EDIL3: variants seen among roughly 807,000 people sequenced by gnomAD.
EDIL3 encodes the protein EGF like and discoidin domains 3.
Under a neutral mutation model 67.4 loss-of-function variants are expected in EDIL3, and 37 were observed. The ratio of observed to expected loss-of-function variants is 0.55; its 90% CI spans 0.42 to 0.72. The LOEUF (loss-of-function observed/expected upper bound fraction) is 0.72. Ranked by LOEUF, EDIL3 falls within the 30% of genes least tolerant of loss-of-function variation. The probability of loss-of-function intolerance (pLI) is 0.00; values close to 1 mark genes in which losing one functional copy is unlikely to be tolerated. For synonymous variants in EDIL3, 195 were observed against 196.3 expected (o/e 0.99, Z 0.05); for missense variants, 527 against 586.3 (o/e 0.90, Z 1.04).
chr5:84,011,922 C>T (rs1172561576), intron 9 of EDIL3, among the ~76,000 whole-genome samples: 2 of 152,114 alleles, frequency 1.3e-5, no homozygotes, highest in South Asian at 2.1e-4. Context: ...GCACTTTTCA[C>T]TACTTGATAT....
intron 1 of EDIL3, among the ~76,000 whole-genome samples, chr5:84,365,036 T>A (rs1459161264): frequency 6.6e-6 from 1 of 152,110 alleles, no homozygotes; most frequent in Admixed American, 6.6e-5. Flanking sequence ...TGCTGTTCGC[T>A]TGTTTTGAGA....
intron 1 of EDIL3, among the ~76,000 whole-genome samples, chr5:84,370,044 A>G (rs1747812845): frequency 6.6e-6 from 1 of 152,220 alleles, no homozygotes; most frequent in African/African-American, 2.4e-5. Context: ...AAACAGGAGC[A>G]AAGTATTAGA....
At chr5:84,032,289 C>G (rs138458267) in intron 9 of EDIL3, among the ~76,000 whole-genome samples, 1 of 152,260 alleles carries the variant, frequency 6.6e-6, no homozygotes, top group East Asian at 1.9e-4. Flanking sequence ...ACAGCTAAAT[C>G]ATAAAACCAC....
chr5:84,198,377 G>C (rs775260064), intron 3 of EDIL3, among the ~76,000 whole-genome samples: 1 of 151,958 alleles, frequency 6.6e-6, no homozygotes, highest in African/African-American at 2.4e-5. Flanking sequence ...TGAGATCCAA[G>C]ACAGATGTAT....
chr5:83,963,234 A>G lies in EDIL3; in HGVS notation c.1264T>C (p.Tyr422His), dbSNP rs1370054078. 3 of 1,606,832 alleles carry G rather than the reference A, an allele frequency of 1.9e-6. No individual in the cohort carries two copies. Among genetic ancestry groups the G allele is most frequent in the Non-Finnish European group, 2.6e-6 (3 of 1,176,374 alleles). The change falls in exon 10 of 11, where the codon TAC becomes CAC. Residue 422 changes from tyrosine (Y) to histidine (H), a missense_variant. Physicochemically the swap from Tyr to His is moderately conservative, Grantham distance 83. Around this residue, in one of 2 missense-constraint regions of EDIL3, gnomAD observed 494 missense variants for 522.5 expected, o/e 0.95. Coordinates refer to ENST00000296591, the MANE Select transcript of EDIL3 (RefSeq NM_005711.5). ...YSNDGEHWTV[Y>H]QDEKQRKDKV... ...TCTTTTCTTTGCTTTTCATCCTGGTATACAGTCCAGTGTTCTCCATCATTG... is the reference window on the plus strand; with the variant it reads ...TCTTTTCTTTGCTTTTCATCCTGGTGTACAGTCCAGTGTTCTCCATCATTG...
chr5:84,121,049 A>G (rs1461517699), intron 5 of EDIL3, among the ~76,000 whole-genome samples: 2 of 151,918 alleles, frequency 1.3e-5, no homozygotes, highest in East Asian at 1.9e-4. Context: ...ATGATTTAGA[A>G]TTATATTGTG....
intron 1 of EDIL3, among the ~76,000 whole-genome samples, chr5:84,286,804 T>A (rs1344193708): frequency 6.6e-6 from 1 of 152,176 alleles, no homozygotes; most frequent in East Asian, 1.9e-4. Context: ...TGGAATCAAT[T>A]AGGCTGATCC....
At chr5:83,978,693 A>G (rs1744914392) in intron 9 of EDIL3, among the ~76,000 whole-genome samples, 1 of 152,076 alleles carries the variant, frequency 6.6e-6, no homozygotes, top group African/African-American at 2.4e-5. Context: ...AAACAGGGTC[A>G]TCTGAAAGCT....
intron 6 of EDIL3, among the ~76,000 whole-genome samples, chr5:84,098,100 GAA>G (rs34968983): frequency 6.2e-4 from 86 of 139,292 alleles, no homozygotes; most frequent in East Asian, 3.7e-3. Flanking sequence ...CTAGAAATCT[GAA>G]AAAAAAAAAA....
At chr5:84,016,511 C>T (rs1040457507) in intron 9 of EDIL3, among the ~76,000 whole-genome samples, 2 of 152,076 alleles carry the variant, frequency 1.3e-5, no homozygotes, top group African/African-American at 4.8e-5. Context: ...CTGATAATCC[C>T]AAATCCAAAA....
At chr5:84,306,122 A>G (rs974677563) in intron 1 of EDIL3, among the ~76,000 whole-genome samples, 7 of 152,114 alleles carry the variant, frequency 4.6e-5, no homozygotes, top group African/African-American at 1.7e-4. Context: ...ATACTCAGGA[A>G]ATTAACCTAG....
chr5:84,383,237 C>G (rs1292888228), intron 1 of EDIL3, among the ~76,000 whole-genome samples: 1 of 152,124 alleles, frequency 6.6e-6, no homozygotes, highest in Admixed American at 6.5e-5. Flanking sequence ...AGGAGTGGCA[C>G]AGCTCCCCCA....
rs56161304 is a variant in EDIL3 at position 84,006,343 on chromosome 5, T to TAAAACAAAACAAAAC, written c.1138-42998_1138-42984dup. Among the ~76,000 whole-genome samples, 1,087 of 147,834 alleles carry TAAAACAAAACAAAAC rather than the reference T, an allele frequency of 7.4e-3. 11 individuals are homozygous for TAAAACAAAACAAAAC. Among genetic ancestry groups the TAAAACAAAACAAAAC allele is most frequent in the Non-Finnish European group, 0.012 (823 of 66,570 alleles). On this transcript the variant is annotated intron_variant, in intron 9 of 10. Coordinates refer to ENST00000296591, the MANE Select transcript of EDIL3 (RefSeq NM_005711.5). The stretch of plus-strand genomic sequence containing the variant: ...ACAGAATTAGAACACTATGCAGCCA[T>TAAAACAAAACAAAAC]AAAACAAAACAAAACAAAACAAAAC...
chr5:84,137,184 T>TACACACACACACACAC (rs70975542), intron 5 of EDIL3, 57 bp downstream of exon 5: 4 of 901,772 alleles, frequency 4.4e-6, no homozygotes, highest in Non-Finnish European at 6.8e-6. Context: ...TGTGTATACA[T>TACACACACACACACAC]ACACACACAC....
At chr5:84,202,629 G>C (rs894591891) in intron 3 of EDIL3, among the ~76,000 whole-genome samples, 1 of 152,152 alleles carries the variant, frequency 6.6e-6, no homozygotes, top group Non-Finnish European at 1.5e-5. Context: ...AAATTGTAAT[G>C]CCATTTATTT....
At chr5:83,960,822 C>G (rs79255048) in intron 10 of EDIL3, among the ~76,000 whole-genome samples, 15,051 of 150,690 alleles carry the variant, frequency 0.1, 1,028 homozygotes, top group East Asian at 0.3. Flanking sequence ...ATAGATGTGA[C>G]AAATAGGCAC....
At chr5:84,253,393 G>GA (rs1049979507) in intron 2 of EDIL3, among the ~76,000 whole-genome samples, 2 of 152,146 alleles carry the variant, frequency 1.3e-5, no homozygotes, top group Non-Finnish European at 2.9e-5. Flanking sequence ...TAGTTAGAGA[G>GA]AAAATCTCTG....
At chr5:84,133,631 T>G (rs1292744044) in intron 5 of EDIL3, among the ~76,000 whole-genome samples, 2 of 151,622 alleles carry the variant, frequency 1.3e-5, no homozygotes, top group Admixed American at 6.6e-5. Flanking sequence ...CATCTCAAAA[T>G]AAAGAAATAA....
At chr5:84,307,160 C>T (rs1020699872) in intron 1 of EDIL3, among the ~76,000 whole-genome samples, 31 of 152,118 alleles carry the variant, frequency 2.0e-4, no homozygotes, top group African/African-American at 7.0e-4. Flanking sequence ...TAAGTCATTC[C>T]AAAGTGAGTG....
Sources: gnomAD v4.1 joint callset for allele counts (sites outside exome capture counted in the v4.1 genomes callset) on GRCh38, gnomAD v4.1.1 for gene constraint, gnomAD v4.1.1 regional missense constraint, MANE v1.5 for transcripts, NCBI Gene and HGNC (gene_info 2026-07-23, HGNC 2026-07-21) for gene names.